CRTC3: variants seen among roughly 807,000 people sequenced by gnomAD.
CRTC3 encodes CREB regulated transcription coactivator 3.
CRTC3 carries 26 observed loss-of-function variants against 74.5 expected under a neutral mutation model. The ratio of observed to expected loss-of-function variants is 0.35; its 90% confidence interval spans 0.26 to 0.48. CRTC3 has a LOEUF of 0.48. Among genes scored for constraint, CRTC3 ranks in the 20% least tolerant of loss-of-function variants. CRTC3 has a pLI of 0.99. For missense variants in CRTC3, 760 were observed against 787.3 expected, an observed-to-expected ratio of 0.97 and a Z score of 0.41; for synonymous variants, 377 against 325.8, an observed-to-expected ratio of 1.16 and a Z score of -1.69.
intron 13 of CRTC3, 155 bp from the exon 14 acceptor site, chr15:90,640,942 C>T (rs117829269): frequency 0.034 from 21,134 of 625,282 alleles, 750 homozygotes; most frequent in East Asian, 0.12. Context: ...ATTGTGCATG[C>T]ATTACCATAA....
At chr15:90,581,133 T>G (rs1967531054) in intron 2 of CRTC3, among the ~76,000 whole-genome samples, 1 of 152,080 alleles carries the variant, frequency 6.6e-6, no homozygotes, top group African/African-American at 2.4e-5. Context: ...GGCGGCTAGA[T>G]GGCCTTTGGT....
At chr15:90,577,966 G>C (rs1426499154) in intron 2 of CRTC3, among the ~76,000 whole-genome samples, 3 of 152,168 alleles carry the variant, frequency 2.0e-5, no homozygotes, top group Non-Finnish European at 4.4e-5. Context: ...CTGGAGTGCA[G>C]TGGCACGATC....
At chr15:90,615,927 C>A (rs1421348013) in intron 7 of CRTC3, among the ~76,000 whole-genome samples, 1 of 151,722 alleles carries the variant, frequency 6.6e-6, no homozygotes, top group South Asian at 2.1e-4. Flanking sequence ...GGTGTGACCT[C>A]GGCTCACTGC....
At position 90,635,635 on chromosome 15, in the gene CRTC3, ACT is replaced by A. The variant is rs146918822; in HGVS notation, c.1267-2808_1267-2807del. On this transcript the variant is annotated intron_variant, in intron 11 of 14. Coordinates refer to ENST00000268184, the MANE Select transcript of CRTC3 (RefSeq NM_022769.5). Reference sequence around the variant, plus strand: ...ACTCCAGCTTGGGTGACAGAGCAAGACTCTGTCTCCAGAAAAACTCTGTCTCC... The same window carrying A: ...ACTCCAGCTTGGGTGACAGAGCAAGACTGTCTCCAGAAAAACTCTGTCTCC... Among the ~76,000 whole-genome samples, 324 of 151,886 alleles carry A rather than the reference ACT, an allele frequency of 2.1e-3. 3 individuals are homozygous for A. The highest frequency in any genetic ancestry group is 7.4e-3 in the African/African-American group (306 of 41,366).
rs556801898 is a variant in CRTC3 at position 90,566,275 on chromosome 15, C to T, written c.231+26138C>T. ...AAGGAAAGAAGCCATCTCACCCAGG[C>T]GCAGTTTCTCATGCCTGTAATCCCA... is the stretch of plus-strand genomic sequence containing the variant. On this transcript the variant is annotated intron_variant, in intron 2 of 14. Transcript: ENST00000268184. 3.3e-5 allele frequency among the ~76,000 whole-genome samples: 5 copies of T among 152,190 alleles called. No individual in the cohort carries two copies. The East Asian group carries it at 5.8e-4, about 18-fold the overall frequency.
At chr15:90,614,307 C>T (rs974062092) in intron 6 of CRTC3, 146 bp from the exon 7 acceptor site, 18 of 585,540 alleles carry the variant, frequency 3.1e-5, no homozygotes, top group Non-Finnish European at 4.5e-5. Context: ...TGATAAAGCA[C>T]CTTAAATGAA....
intron 11 of CRTC3, 129 bp from the exon 12 acceptor site, chr15:90,638,317 C>A: frequency 1.4e-6 from 1 of 696,518 alleles, no homozygotes; most frequent in Non-Finnish European, 2.4e-6. Context: ...GGGCTTCTCA[C>A]AGCATTGCAC....
In CRTC3 at chr15:90,625,944, G is replaced by C; in HGVS notation, c.918G>C (p.Val306=). The C allele has an allele frequency of 1.2e-6, 2 of 1,614,178 alleles. No homozygotes were observed. Among genetic ancestry groups the C allele is most frequent in the South Asian group, 2.2e-5 (2 of 91,072 alleles). ...GCAGTATGAGTGTGGGGAATAGTGT[G>C]AACAACATCCCAGCTGCTATGACCC... is the stretch of plus-strand genomic sequence containing the variant. The part of the protein sequence containing the change: ...HFGSMSVGNS[V]NNIPAAMTHL... The change falls in exon 10 of 15, where the codon GTG becomes GTC. Residue 306 remains valine, a synonymous_variant. Transcript: ENST00000268184.
At chr15:90,614,379 C>A in intron 6 of CRTC3, 74 bp from the exon 7 acceptor site, 1 of 1,088,776 alleles carries the variant, frequency 9.2e-7, no homozygotes, top group Non-Finnish European at 1.4e-6. Flanking sequence ...TAAAGAGTTA[C>A]TGATTCATAA....
At chr15:90,533,576 G>A (rs1230843553) in intron 1 of CRTC3, among the ~76,000 whole-genome samples, 8 of 152,114 alleles carry the variant, frequency 5.3e-5, no homozygotes, top group African/African-American at 1.9e-4. Context: ...GTGAAAACAT[G>A]GGGCTGTCCT....
Position 90,530,245 on chromosome 15 carries a change from C to G in CRTC3, c.132+42C>G. ...GCGCGGGCGGGGGCGGCCACGGCCG[C>G]GGGCGGGACCCGCGCGGCGGGTGAG... On this transcript the variant is annotated intron_variant, in intron 1 of 14. Coordinates refer to ENST00000268184, the MANE Select transcript of CRTC3 (RefSeq NM_022769.5). This position sits in a 1 kb window ranked among gnomAD's most constrained non-coding sequence, Gnocchi z 6.2. The G allele has an allele frequency of 1.0e-6, 1 of 980,984 alleles. No individual in the cohort carries two copies. Among genetic ancestry groups the G allele is most frequent in the South Asian group, 4.7e-5 (1 of 21,230 alleles). The allele number at this position is 980,984 out of a possible 1,614,324, so 60.8% of individuals were successfully genotyped here.
chr15:90,634,467 G>A (rs553914638), intron 11 of CRTC3, among the ~76,000 whole-genome samples: 2 of 152,304 alleles, frequency 1.3e-5, no homozygotes, highest in South Asian at 4.1e-4. Context: ...ATTTTAATAT[G>A]TATCTCTAAT....
chr15:90,534,561 A>AGTTGGTTGGTTGGTTG (rs56768119), intron 1 of CRTC3, among the ~76,000 whole-genome samples: 1 of 151,466 alleles, frequency 6.6e-6, no homozygotes, highest in Non-Finnish European at 1.5e-5. Flanking sequence ...AAATGTGGTT[A>AGTTGGTTGGTTGGTTG]GTTGGTTGGT....
At chr15:90,578,317 T>G (rs1338242391) in intron 2 of CRTC3, among the ~76,000 whole-genome samples, 2 of 151,802 alleles carry the variant, frequency 1.3e-5, no homozygotes, top group Non-Finnish European at 2.9e-5. Context: ...AAGGCTGAGG[T>G]GGGCAGATCA....
At chr15:90,558,992 T>A (rs765381083) in intron 2 of CRTC3, among the ~76,000 whole-genome samples, 2 of 152,094 alleles carry the variant, frequency 1.3e-5, no homozygotes, top group Non-Finnish European at 2.9e-5. Flanking sequence ...CCTCAAGTGA[T>A]CCGCCCGCCT....
chr15:90,638,160 C>CAAAACAAAAT lies in CRTC3; in HGVS notation c.1267-285_1267-284insAAACAAAATA, dbSNP rs1969306993. 1.3e-5 allele frequency: 5 copies of CAAAACAAAAT among 398,572 alleles called. No individual in the cohort carries two copies. In the East Asian group the frequency reaches 2.2e-4, roughly 17 times the overall value. 24.7% of individuals were successfully genotyped at this position (398,572 alleles called of 1,614,324 possible). A position where few individuals can be genotyped will look rare whatever the true frequency, so the allele number is the denominator to read the frequency against. On this transcript the variant is annotated intron_variant, in intron 11 of 14. Coordinates refer to ENST00000268184, the MANE Select transcript of CRTC3 (RefSeq NM_022769.5). ...GACACGGCTATAAAACAAAACAAAA[C>CAAAACAAAAT]ATGATTTTCACGGAGAAAACTGAAA...
intron 1 of CRTC3, among the ~76,000 whole-genome samples, chr15:90,531,612 C>T (rs936616046): frequency 1.3e-5 from 2 of 152,310 alleles, no homozygotes; most frequent in Middle Eastern, 3.4e-3. Context: ...ATCAGCTTCA[C>T]TCATTTTTTA....
intron 4 of CRTC3, 129 bp from the exon 5 acceptor site, chr15:90,604,256 G>T: frequency 1.4e-6 from 1 of 700,576 alleles, no homozygotes. Context: ...CGAGGTGTGG[G>T]GTATTTTTAA....
chr15:90,575,195 A>G (rs1409453516), intron 2 of CRTC3, among the ~76,000 whole-genome samples: 3 of 152,184 alleles, frequency 2.0e-5, no homozygotes, highest in Non-Finnish European at 4.4e-5. Flanking sequence ...TGCTAAAAAT[A>G]TAAAAATTAG....
Sources: gnomAD v4.1 joint callset for allele counts (sites outside exome capture counted in the v4.1 genomes callset) on GRCh38, gnomAD v4.1.1 for gene constraint, Gnocchi (gnomAD v3.1) non-coding constraint, MANE v1.5 for transcripts, NCBI Gene and HGNC (gene_info 2026-07-23, HGNC 2026-07-21) for gene names.